The following NBEAL1 variants were observed in gnomAD, a reference collection of about 807,000 sequenced individuals.
The protein encoded by NBEAL1 is neurobeachin like 1, also known as neurobeachin-like protein 1.
NBEAL1 carries 273 observed loss-of-function variants against 351.3 expected under a neutral mutation model. The ratio of observed to expected loss-of-function variants is 0.78; its 90% CI spans 0.70 to 0.86. The LOEUF is 0.86. Ranked by LOEUF, NBEAL1 falls within the 40% of genes least tolerant of loss-of-function variation. The pLI, the probability that NBEAL1 is intolerant of heterozygous loss-of-function variation, is 0.00. For synonymous variants in NBEAL1, 1,050 were observed against 1,086.4 expected (o/e 0.97, Z 0.66); for missense variants, 2,961 against 3,201.3 (o/e 0.92, Z 1.81).
At chr2:203,176,714 G>A (rs1387018044) in intron 42 of NBEAL1, among the ~76,000 whole-genome samples, 6 of 141,090 alleles carry the variant, frequency 4.3e-5, no homozygotes, top group Non-Finnish European at 7.7e-5. Flanking sequence ...GCTGGGTGAA[G>A]GAGTGAAACT....
intron 18 of NBEAL1, 128 bp from the exon 19 acceptor site, chr2:203,122,126 C>T (rs1041614968): frequency 1.3e-5 from 7 of 551,822 alleles, no homozygotes; most frequent in Non-Finnish European, 1.9e-5. Context: ...TACTAAAATT[C>T]ATATTATGGG....
At chr2:203,199,265 T>G in intron 48 of NBEAL1, 73 bp from the exon 49 acceptor site, 20 of 800,992 alleles carry the variant, frequency 2.5e-5, no homozygotes, top group Non-Finnish European at 4.2e-5. Flanking sequence ...CAATGTCATG[T>G]GAGCATCTGG....
chr2:203,084,268 C>T (rs1055661063), intron 9 of NBEAL1, among the ~76,000 whole-genome samples, 195 bp from the exon 10 acceptor site: 2 of 151,968 alleles, frequency 1.3e-5, no homozygotes, highest in African/African-American at 2.4e-5. Flanking sequence ...TCACTCATAA[C>T]GAACATTAAT....
chr2:203,061,224 AC>A (rs973344112), intron 6 of NBEAL1: 2 of 152,178 alleles, frequency 1.3e-5, no homozygotes, highest in Non-Finnish European at 2.9e-5. Flanking sequence ...TGAGGACTTT[AC>A]CAGTTTTTTT....
At chr2:203,180,792 A>G (rs760734668) in intron 43 of NBEAL1, among the ~76,000 whole-genome samples, 1 of 152,120 alleles carries the variant, frequency 6.6e-6, no homozygotes, top group Non-Finnish European at 1.5e-5. Context: ...TTTCAGCTAT[A>G]TATACCACTT....
chr2:203,179,236 A>G (rs1051924847), intron 42 of NBEAL1, among the ~76,000 whole-genome samples: 2 of 152,270 alleles, frequency 1.3e-5, no homozygotes, highest in African/African-American at 2.4e-5. Context: ...TAGGGAAAGC[A>G]TAATACAATT....
chr2:203,207,148 G>A (rs374620298), intron 51 of NBEAL1, among the ~76,000 whole-genome samples: 2 of 146,260 alleles, frequency 1.4e-5, no homozygotes, highest in African/African-American at 2.6e-5. Flanking sequence ...CCTGGCAACC[G>A]CCCTGTCTGA....
intron 4 of NBEAL1, among the ~76,000 whole-genome samples, chr2:203,051,336 A>G (rs1392296321): frequency 6.6e-6 from 1 of 152,098 alleles, no homozygotes; most frequent in African/African-American, 2.4e-5. Context: ...TGAGGTCAGG[A>G]GTTTGAGACC....
rs147933009 is a variant in NBEAL1, at chr2:203,021,519, C to T, written c.51+5084C>T. ...ATAGGGTGGGAGGATTGCTTGAACCCGGGAAGTGTAGGTTGCATTGAGCTG... is the reference window on the plus strand; with the variant it reads ...ATAGGGTGGGAGGATTGCTTGAACCTGGGAAGTGTAGGTTGCATTGAGCTG... On this transcript the variant is annotated intron_variant, in intron 2 of 55. Coordinates refer to ENST00000683969, the MANE Select transcript of NBEAL1 (RefSeq NM_001378026.1). Among the ~76,000 whole-genome samples, 541 of 151,902 alleles carry T rather than the reference C, an allele frequency of 3.6e-3. 1 individual carries two copies. Among genetic ancestry groups the T allele is most frequent in the African/African-American group, 0.012 (493 of 41,444 alleles).
At chr2:203,088,217 A>C (rs144964371) in intron 10 of NBEAL1, among the ~76,000 whole-genome samples, 49 of 152,292 alleles carry the variant, frequency 3.2e-4, no homozygotes, top group African/African-American at 1.2e-3. Context: ...AATTATTATG[A>C]TATATATTGG....
chr2:203,038,723 T>C (rs1030161538), intron 2 of NBEAL1, among the ~76,000 whole-genome samples: 2 of 149,046 alleles, frequency 1.3e-5, no homozygotes, highest in African/African-American at 4.9e-5. Flanking sequence ...GCTGATGGCA[T>C]GTGTCACTCA....
chr2:203,125,385 C>T lies in NBEAL1; in HGVS notation c.2716C>T (p.Leu906Phe). ...AAACTGCATAGGTGGGTTAAATGTA[C>T]TCTTTCCTTTATTGGAACAAATCAG... is the stretch of plus-strand genomic sequence containing the variant. ...IINCIGGLNVLFPLLEQISHF... is the reference protein window; with the variant it reads ...IINCIGGLNVFFPLLEQISHF... Residue 906 changes from leucine to phenylalanine, a missense_variant, in exon 20 of 56, where the codon CTC (leucine) becomes TTC (phenylalanine). Transcript: ENST00000683969. 6.5e-7 allele frequency: 1 copy of T among 1,542,926 alleles called. No homozygotes were observed. Among genetic ancestry groups the T allele is most frequent in the East Asian group, 2.4e-5 (1 of 40,910 alleles).
intron 2 of NBEAL1, among the ~76,000 whole-genome samples, chr2:203,035,808 G>A (rs1574875733): frequency 6.7e-6 from 1 of 149,240 alleles, no homozygotes; most frequent in East Asian, 1.9e-4. Context: ...TTAGATATGT[G>A]TAGCATAGAA....
chr2:203,200,013 T>C (rs1018966494), intron 49 of NBEAL1, among the ~76,000 whole-genome samples: 2 of 152,262 alleles, frequency 1.3e-5, no homozygotes, highest in African/African-American at 2.4e-5. Context: ...CCAAAAGTTA[T>C]GTTCTCACTT....
At chr2:203,155,518 C>G (rs1203480665) in intron 35 of NBEAL1, among the ~76,000 whole-genome samples, 1 of 152,020 alleles carries the variant, frequency 6.6e-6, no homozygotes, top group Non-Finnish European at 1.5e-5. Flanking sequence ...CTCATTGCAG[C>G]CTTGAGCTCC....
chr2:203,070,909 A>G (rs568585129), intron 7 of NBEAL1, among the ~76,000 whole-genome samples: 3 of 152,302 alleles, frequency 2.0e-5, no homozygotes, highest in Admixed American at 2.0e-4. Context: ...CATAGATCCA[A>G]ACCATATCAG....
intron 9 of NBEAL1, 62 bp from the exon 10 acceptor site, chr2:203,084,401 A>G: frequency 1.3e-6 from 1 of 765,222 alleles, no homozygotes; most frequent in Non-Finnish European, 2.0e-6. Context: ...TGATTAGAGT[A>G]AATGTTTGTA....
chr2:203,148,503 G>A (rs1392610401), intron 33 of NBEAL1, among the ~76,000 whole-genome samples: 2 of 152,072 alleles, frequency 1.3e-5, no homozygotes, highest in Non-Finnish European at 2.9e-5. Flanking sequence ...GAATATTGAT[G>A]TGAGTTAGAT....
At position 203,220,764 on chromosome 2, in the gene NBEAL1, C is replaced by G. The variant is rs551687147; in HGVS notation, c.*3410C>G. On this transcript the variant is annotated 3_prime_UTR_variant, in exon 56 of 56. Coordinates refer to ENST00000683969, the MANE Select transcript of NBEAL1 (RefSeq NM_001378026.1). Reference sequence around the variant, plus strand: ...TTGTAAGAGAGAAAGAAAAATAGATCAGGGCATAAAAATCAGGAAAGTATA... The same window carrying G: ...TTGTAAGAGAGAAAGAAAAATAGATGAGGGCATAAAAATCAGGAAAGTATA... Among the ~76,000 whole-genome samples, 8 of 152,240 alleles carry G rather than the reference C, an allele frequency of 5.3e-5. No individual in the cohort carries two copies. Among genetic ancestry groups the G allele is most frequent in the African/African-American group, 1.7e-4 (7 of 41,560 alleles).
Sources: allele counts gnomAD v4.1 joint callset (sites outside exome capture counted in the v4.1 genomes callset), GRCh38; gene constraint gnomAD v4.1.1; transcripts MANE v1.5; gene names NCBI Gene and HGNC (gene_info 2026-07-23, HGNC 2026-07-21).